Variants in ZHX2 observed in about 807,000 individuals in gnomAD.
The protein encoded by ZHX2 is zinc fingers and homeoboxes protein 2.
Under a neutral mutation model 21.9 loss-of-function variants are expected in ZHX2, and 6 were observed. The observed-to-expected ratio is 0.27, with a 90% confidence interval of 0.15 to 0.54. The LOEUF is 0.54. ZHX2 is among the 20% of genes least tolerant of loss of function. The pLI is 0.95. For synonymous variants in ZHX2, 434 were observed against 437.1 expected (o/e 0.99, Z 0.09); for missense variants, 908 against 1,090.7 (o/e 0.83, Z 2.36).
At chr8:122,811,285 G>A (rs1015321340) in intron 1 of ZHX2, among the ~76,000 whole-genome samples, 4 of 152,114 alleles carry the variant, frequency 2.6e-5, no homozygotes, top group African/African-American at 9.7e-5. Flanking sequence ...GGAGGCTGAG[G>A]TGGGAAAATT....
chr8:122,902,354 A>AT (rs1784159771), intron 2 of ZHX2, among the ~76,000 whole-genome samples: 1 of 152,224 alleles, frequency 6.6e-6, no homozygotes, highest in African/African-American at 2.4e-5. Flanking sequence ...TTTTAGTGAC[A>AT]TTGCCTGGGT....
At chr8:122,935,941 A>C (rs903949437) in intron 2 of ZHX2, among the ~76,000 whole-genome samples, 6 of 152,138 alleles carry the variant, frequency 3.9e-5, no homozygotes, top group Non-Finnish European at 8.8e-5. Flanking sequence ...CCCCTCCTAG[A>C]TGGTAGACTC....
rs76758615 is a variant in ZHX2 at position 122,828,543 on chromosome 8, G to A, written c.-282-34934G>A. Among the ~76,000 whole-genome samples the A allele has an allele frequency of 4.7e-4, 72 of 152,370 alleles. 1 individual carries two copies. Among genetic ancestry groups the A allele is most frequent in the African/African-American group, 1.7e-3 (69 of 41,588 alleles). Reference sequence around the variant, plus strand: ...CAGTGTGCAGCTAAACCCATGGCAGGAGACGCTGTCCTTGTGACATACCTT... The same window carrying A: ...CAGTGTGCAGCTAAACCCATGGCAGAAGACGCTGTCCTTGTGACATACCTT... On this transcript the variant is annotated intron_variant, in intron 1 of 3. Coordinates refer to ENST00000314393, the MANE Select transcript of ZHX2 (RefSeq NM_014943.5). The surrounding 1 kb of genome is among the most constrained non-coding windows in gnomAD (Gnocchi z 5.2).
At chr8:122,906,167 A>T (rs371108108) in intron 2 of ZHX2, among the ~76,000 whole-genome samples, 30 of 152,364 alleles carry the variant, frequency 2.0e-4, no homozygotes, top group African/African-American at 5.3e-4. Flanking sequence ...ATTGAGACAT[A>T]CTTAACTCTA....
chr8:122,972,198 G>A (rs1049884448), intron 3 of ZHX2, among the ~76,000 whole-genome samples: 4 of 152,118 alleles, frequency 2.6e-5, no homozygotes, highest in Non-Finnish European at 5.9e-5. Context: ...AGTCCACCCT[G>A]ATGGCCTCAT....
intron 2 of ZHX2, among the ~76,000 whole-genome samples, chr8:122,904,139 C>A (rs1166792572): frequency 6.6e-6 from 1 of 152,058 alleles, no homozygotes; most frequent in East Asian, 1.9e-4. Context: ...GGCCATCAAC[C>A]ACAAATGCTA....
intron 2 of ZHX2, among the ~76,000 whole-genome samples, chr8:122,939,451 T>C (rs964456279): frequency 6.6e-6 from 1 of 152,224 alleles, no homozygotes; most frequent in African/African-American, 2.4e-5. Context: ...TTTGCCTTTT[T>C]ATGGAAACAG....
At chr8:122,885,798 A>G (rs1586360214) in intron 2 of ZHX2, among the ~76,000 whole-genome samples, 1 of 152,284 alleles carries the variant, frequency 6.6e-6, no homozygotes, top group East Asian at 1.9e-4. Context: ...AGAATATCAT[A>G]AACATTCAAC....
At chr8:122,790,167 A>G (rs1279749812) in intron 1 of ZHX2, among the ~76,000 whole-genome samples, 2 of 152,232 alleles carry the variant, frequency 1.3e-5, no homozygotes, top group African/African-American at 2.4e-5. Context: ...TCTAGTAGCA[A>G]CATGGTACAT....
intron 1 of ZHX2, among the ~76,000 whole-genome samples, chr8:122,818,833 A>G (rs1221659173): frequency 1.3e-5 from 2 of 152,162 alleles, no homozygotes; most frequent in Admixed American, 1.3e-4. Flanking sequence ...TCACAGGCAA[A>G]CCAGTAACTG....
At position 122,841,136 on chromosome 8, in the gene ZHX2, C is replaced by T. The variant is rs531775187; in HGVS notation, c.-282-22341C>T. Among the ~76,000 whole-genome samples the T allele has an allele frequency of 5.3e-4, 80 of 152,268 alleles. 1 individual carries two copies. Among genetic ancestry groups the T allele is most frequent in the African/African-American group, 1.8e-3 (74 of 41,558 alleles). On this transcript the variant is annotated intron_variant, in intron 1 of 3. Transcript: ENST00000314393. The stretch of plus-strand genomic sequence containing the variant: ...CATTACGTACTGCTGCCAGGTGGAG[C>T]GTTGCTGGTTCCTGCTTCCCCTTCC...
chr8:122,851,415 G>A (rs914069702), intron 1 of ZHX2, among the ~76,000 whole-genome samples: 1 of 152,150 alleles, frequency 6.6e-6, no homozygotes, highest in Non-Finnish European at 1.5e-5. Context: ...TGAAGCTGTG[G>A]TCCTGCTTAA....
At chr8:122,971,093 G>T (rs1045944081) in intron 3 of ZHX2, among the ~76,000 whole-genome samples, 1 of 152,196 alleles carries the variant, frequency 6.6e-6, no homozygotes, top group African/African-American at 2.4e-5. Flanking sequence ...TCTTCGCTAT[G>T]AAGTGGGTCT....
At chr8:122,938,649 C>A (rs1381581124) in intron 2 of ZHX2, among the ~76,000 whole-genome samples, 2 of 152,010 alleles carry the variant, frequency 1.3e-5, no homozygotes, top group African/African-American at 4.8e-5. Context: ...CCAGCCTGGG[C>A]AACATGGTGA....
At chr8:122,838,462 G>C (rs974241267) in intron 1 of ZHX2, among the ~76,000 whole-genome samples, 1 of 151,844 alleles carries the variant, frequency 6.6e-6, no homozygotes, top group African/African-American at 2.4e-5. Flanking sequence ...AGAAAACAAG[G>C]TTCAACAAGA....
chr8:122,957,763 G>A (rs915794932), intron 3 of ZHX2, among the ~76,000 whole-genome samples: 9 of 152,068 alleles, frequency 5.9e-5, no homozygotes, highest in Non-Finnish European at 1.2e-4. Context: ...GAGCCACCGC[G>A]CCCCACCATT....
At chr8:122,884,695 T>C (rs115338770) in intron 2 of ZHX2, among the ~76,000 whole-genome samples, 2,493 of 152,212 alleles carry the variant, frequency 0.016, 69 homozygotes, top group African/African-American at 0.056. Context: ...AGGAAACTGG[T>C]AGAATCAGGA....
At chr8:122,904,326 A>T (rs1820297954) in intron 2 of ZHX2, among the ~76,000 whole-genome samples, 2 of 152,214 alleles carry the variant, frequency 1.3e-5, no homozygotes, top group South Asian at 4.1e-4. Flanking sequence ...AGCAAAAGCC[A>T]AATGCAGAGC....
chr8:122,873,869 C>G (rs778357185), intron 2 of ZHX2, among the ~76,000 whole-genome samples: 3 of 152,178 alleles, frequency 2.0e-5, no homozygotes, highest in Non-Finnish European at 4.4e-5. Flanking sequence ...ATCTTCAAAG[C>G]CAGCAATGGA....
Sources: gnomAD v4.1 joint callset for allele counts (sites outside exome capture counted in the v4.1 genomes callset) on GRCh38, gnomAD v4.1.1 for gene constraint, Gnocchi (gnomAD v3.1) non-coding constraint, MANE v1.5 for transcripts, NCBI Gene and HGNC (gene_info 2026-07-23, HGNC 2026-07-21) for gene names.